ATXN2L: variants seen among roughly 807,000 people sequenced by gnomAD.
ATXN2L encodes the protein ataxin 2 like.
ATXN2L carries 24 observed loss-of-function variants against 120.7 expected under a neutral mutation model. That is an observed-to-expected ratio of 0.20 (90% CI 0.14 to 0.28). The LOEUF (loss-of-function observed/expected upper bound fraction) is 0.28, where lower values mean the gene tolerates loss of function less well. Ranked by LOEUF, ATXN2L falls within the 10% of genes least tolerant of loss-of-function variation. The probability of loss-of-function intolerance (pLI) is 1.00; values close to 1 mark genes in which losing one functional copy is unlikely to be tolerated. For synonymous variants in ATXN2L, 653 were observed against 568.1 expected, an observed-to-expected ratio of 1.15 and a Z score of -2.13; for missense variants, 1,312 against 1,432.3, an observed-to-expected ratio of 0.92 and a Z score of 1.36.
chr16:28,825,860 A>C lies in ATXN2L; in HGVS notation c.465+19A>C, dbSNP rs988353459. The C allele has an allele frequency of 2.5e-6, 4 of 1,606,006 alleles. No homozygotes were observed. Among genetic ancestry groups the C allele is most frequent in the Non-Finnish European group, 3.4e-6 (4 of 1,172,750 alleles). On this transcript the variant is annotated intron_variant, in intron 4 of 21. Transcript: ENST00000336783. ...CTCAAAGGTCAGTGTACTCAAATTT[A>C]ATTATTTTTGGAGTTGCAGAGTAGG...
chr16:28,832,656 C>T (rs1363348005), intron 12 of ATXN2L, 89 bp downstream of exon 12: 16 of 1,448,976 alleles, frequency 1.1e-5, no homozygotes, highest in Non-Finnish European at 1.4e-5. Flanking sequence ...AATTCAGAGG[C>T]AAACAATGTC....
rs1140134 is a variant in ATXN2L, at chr16:28,835,147, G to C, written c.2523G>C (p.Gln841His). Residue 841 changes from glutamine to histidine, a missense_variant, in exon 19 of 22, where the codon CAG becomes CAC. Physicochemically the swap from Gln to His is conservative, Grantham distance 24 (BLOSUM62 0). Coordinates refer to ENST00000336783, the MANE Select transcript of ATXN2L (RefSeq NM_007245.4). ...CCATCGTGTCATCCTCTACCCCTCA[G>C]TACCCTTCTGCAGAGCAGCCTACCC... ...PQAIVSSSTP[Q>H]YPSAEQPTPQ... 2 of 1,613,700 alleles carry C rather than the reference G, an allele frequency of 1.2e-6. No homozygotes were observed. The highest frequency in any genetic ancestry group is 1.3e-5 in the African/African-American group (1 of 74,880).
chr16:28,824,364 G>T, intron 1 of ATXN2L: 1 of 1,230,778 alleles, frequency 8.1e-7, no homozygotes, highest in Non-Finnish European at 1.0e-6. Flanking sequence ...GGAGGTGGGG[G>T]TTCGGAAAGT....
At position 28,832,313 on chromosome 16, in the gene ATXN2L, C is replaced by G; in HGVS notation, c.1430C>G (p.Ser477Cys). Residue 477 changes from serine (S) to cysteine (C), a missense_variant, in exon 11 of 22, where the codon TCC becomes TGC. Transcript: ENST00000336783. ...IGSAVPTSSA[S>C]IPVTSSVSDP... ...TCGGCAGTGCCAACCTCTTCAGCCTCCATCCCTGTGACCTCATCAGTCTCA... is the reference window on the plus strand; with the variant it reads ...TCGGCAGTGCCAACCTCTTCAGCCTGCATCCCTGTGACCTCATCAGTCTCA... 3 of 1,614,206 alleles carry G rather than the reference C, an allele frequency of 1.9e-6. No homozygotes were observed. Among genetic ancestry groups the G allele is most frequent in the South Asian group, 2.2e-5 (2 of 91,080 alleles).
At chr16:28,833,935 G>T in intron 15 of ATXN2L, 130 bp from the exon 16 acceptor site, 7 of 1,084,054 alleles carry the variant, frequency 6.5e-6, no homozygotes, top group Non-Finnish European at 9.3e-6. Flanking sequence ...TTAATGTGAG[G>T]CTTTATCAAG....
chr16:28,829,318 T>TG, intron 6 of ATXN2L, 83 bp from the exon 7 acceptor site: 1 of 949,164 alleles, frequency 1.1e-6, no homozygotes, highest in Non-Finnish European at 1.7e-6. Context: ...GTTCACATCT[T>TG]GGAGTTTTTA....
In ATXN2L at chr16:28,827,010, T is replaced by G. The variant is rs374460892; in HGVS notation, c.741+24T>G. On this transcript the variant is annotated intron_variant, in intron 6 of 21. Coordinates refer to ENST00000336783, the MANE Select transcript of ATXN2L (RefSeq NM_007245.4). Reference sequence around the variant, plus strand: ...TGGTATAGCCTCCTTCCCTGAGAACTTGGGAGCTGGACAGACAGAATGGGT... The same window carrying G: ...TGGTATAGCCTCCTTCCCTGAGAACGTGGGAGCTGGACAGACAGAATGGGT... 4 of 1,429,486 alleles carry G rather than the reference T, an allele frequency of 2.8e-6. No individual in the cohort carries two copies. The East Asian group carries it at 1.0e-4, about 36-fold the overall frequency. 88.6% of individuals were successfully genotyped at this position (1,429,486 alleles called of 1,614,324 possible).
In ATXN2L at chr16:28,832,366, G is replaced by T. The variant is rs141652504; in HGVS notation, c.1483G>T (p.Ala495Ser). The change falls in exon 11 of 22, where the codon GCT (alanine) becomes TCT (serine). Residue 495 changes from alanine (A) to serine (S), a missense_variant. Coordinates refer to ENST00000336783, the MANE Select transcript of ATXN2L (RefSeq NM_007245.4). ...TCCTGGAGTGGGCTCCATTTCTCCA[G>T]CTTCTCCAAAGATCTCCCTGGCCCC... is the stretch of plus-strand genomic sequence containing the variant. ...SDPGVGSISP[A>S]SPKISLAPTD... 117 of 1,614,056 alleles carry T rather than the reference G, an allele frequency of 7.2e-5. No individual in the cohort carries two copies. Among genetic ancestry groups the T allele is most frequent in the Non-Finnish European group, 9.7e-5 (115 of 1,180,054 alleles).
At chr16:28,824,455 C>T (rs576296256) in intron 1 of ATXN2L, 302 of 1,287,516 alleles carry the variant, frequency 2.3e-4, no homozygotes, top group Middle Eastern at 4.6e-4. Flanking sequence ...TCCCCCAGCC[C>T]CGCCAGCGGC....
chr16:28,826,142 A>AAG lies in ATXN2L; in HGVS notation c.466-94_466-93dup, dbSNP rs2051870757. On this transcript the variant is annotated intron_variant, in intron 4 of 21. Coordinates refer to ENST00000336783, the MANE Select transcript of ATXN2L (RefSeq NM_007245.4). ...GTGTTGTGAAAAGTTTGGGAAGGGT[A>AAG]AGAGAAATCCAGTTCTATTTAAGAG... The AAG allele has an allele frequency of 3.4e-6, 5 of 1,464,790 alleles. No homozygotes were observed. In the South Asian group the frequency reaches 6.2e-5, roughly 18 times the overall value. The allele number at this position is 1,464,790 out of a possible 1,614,324, so 90.7% of individuals were successfully genotyped here. A position where few individuals can be genotyped will look rare whatever the true frequency, so the allele number is the denominator to read the frequency against.
At chr16:28,826,178 C>G in intron 4 of ATXN2L, 62 bp from the exon 5 acceptor site, 2 of 1,586,054 alleles carry the variant, frequency 1.3e-6, no homozygotes, top group Non-Finnish European at 1.7e-6. Context: ...AAATCCAGTT[C>G]TATTTTTGCC....
In ATXN2L at chr16:28,836,208, TG is replaced by T; in HGVS notation, c.3173del (p.Gly1058GlufsTer38). The stretch of plus-strand genomic sequence containing the variant: ...TCTCATTAGCTGGGGGAATTTGGCA[TG>T]GAAGAGCTGAGGGGCTGCAGGTGGG... ...EFSLAGGIWH[G>X]RAEGLQVGQD... On this transcript the variant is annotated frameshift_variant, in exon 22 of 22. Transcript: ENST00000336783. LOFTEE classifies it high-confidence loss of function. The T allele has an allele frequency of 3.1e-6, 5 of 1,613,896 alleles. No individual in the cohort carries two copies. The highest frequency in any genetic ancestry group is 4.2e-6 in the Non-Finnish European group (5 of 1,179,910).
intron 5 of ATXN2L, 197 bp downstream of exon 5, chr16:28,826,587 A>G (rs944515971): frequency 9.7e-6 from 6 of 617,018 alleles, no homozygotes; most frequent in South Asian, 2.5e-5. Flanking sequence ...TGTCTAATAT[A>G]TAATGCGATG....
At chr16:28,827,443 C>T (rs1333597001) in intron 6 of ATXN2L, among the ~76,000 whole-genome samples, 4 of 152,086 alleles carry the variant, frequency 2.6e-5, no homozygotes, top group African/African-American at 9.7e-5. Flanking sequence ...AAAACCAAAA[C>T]ATCAACTTAC....
In ATXN2L at chr16:28,832,108, T is replaced by A. The variant is rs188905014; in HGVS notation, c.1322-97T>A. ...ACATTTAAGTTGGTGACTCTGGTTGTATAGTGTGTAAACTTTCTTGCTGTT... is the reference window on the plus strand; with the variant it reads ...ACATTTAAGTTGGTGACTCTGGTTGAATAGTGTGTAAACTTTCTTGCTGTT... On this transcript the variant is annotated intron_variant, in intron 10 of 21. Coordinates refer to ENST00000336783, the MANE Select transcript of ATXN2L (RefSeq NM_007245.4). 2,162 of 1,328,886 alleles carry A rather than the reference T, an allele frequency of 1.6e-3. 4 individuals are homozygous for A. Among genetic ancestry groups the A allele is most frequent in the Non-Finnish European group, 2.0e-3 (1,914 of 951,680 alleles). The allele number at this position is 1,328,886 out of a possible 1,614,324, so 82.3% of individuals were successfully genotyped here.
rs766192344 is a variant in ATXN2L, at chr16:28,829,510, C to T, written c.833+18C>T. The T allele has an allele frequency of 9.2e-6, 14 of 1,528,090 alleles. No individual in the cohort carries two copies. The highest frequency in any genetic ancestry group is 5.5e-5 in the African/African-American group (4 of 73,008). 94.7% of individuals were successfully genotyped at this position (1,528,090 alleles called of 1,614,324 possible). On this transcript the variant is annotated intron_variant, in intron 7 of 21. Transcript: ENST00000336783. ...TCTTATACGTGAGTATCTTGGTGCT[C>T]TCCAGGTGATGTGTTGGTGATATGG...
In ATXN2L at chr16:28,836,559, G is replaced by T; in HGVS notation, c.*294G>T. 6.4e-7 allele frequency: 1 copy of T among 1,572,580 alleles called. No individual in the cohort carries two copies. Among genetic ancestry groups the T allele is most frequent in the Non-Finnish European group, 8.6e-7 (1 of 1,161,960 alleles). On this transcript the variant is annotated 3_prime_UTR_variant, in exon 22 of 22. Transcript: ENST00000336783. ...GCTGGGCACATGAGTGAGGGCTCTG[G>T]CTTACTGGGAAACAGCGATTGACCT...
In ATXN2L at chr16:28,834,633, C is replaced by T. The variant is rs1470248425; in HGVS notation, c.2373C>T (p.Asn791=). 4 of 1,614,040 alleles carry T rather than the reference C, an allele frequency of 2.5e-6. No individual in the cohort carries two copies. Among genetic ancestry groups the T allele is most frequent in the Admixed American group, 1.7e-5 (1 of 60,016 alleles). Residue 791 remains asparagine, a synonymous_variant, in exon 18 of 22, where the codon AAC becomes AAT. Transcript: ENST00000336783. ...CCTATTCTTCCTACATCCCCTACAACCCTCAGCAGTTCCCAGGCCAGCCAG... is the reference window on the plus strand; with the variant it reads ...CCTATTCTTCCTACATCCCCTACAATCCTCAGCAGTTCCCAGGCCAGCCAG... The part of the protein sequence containing the change: ...ATPYSSYIPY[N]PQQFPGQPAM...
Position 28,834,348 on chromosome 16 carries a change from T to G in ATXN2L, c.2178T>G (p.Pro726=). ...ATCTGTGTCCTCATCCCCAGGCACC[T>G]CAGATGTATCCATATCCTGTATCCA... ...QIHMGPAVQA[P]QMYPYPVSNS... is the part of the protein sequence containing the mutation. The change falls in exon 17 of 22, where the codon CCT becomes CCG. Residue 726 remains proline (P), a synonymous_variant. Transcript: ENST00000336783. 7.4e-6 allele frequency: 12 copies of G among 1,613,864 alleles called. No homozygotes were observed. The highest frequency in any genetic ancestry group is 9.3e-6 in the Non-Finnish European group (11 of 1,179,768).
Sources: allele counts gnomAD v4.1 joint callset (sites outside exome capture counted in the v4.1 genomes callset), GRCh38; gene constraint gnomAD v4.1.1; transcripts MANE v1.5; gene names NCBI Gene and HGNC (gene_info 2026-07-23, HGNC 2026-07-21).